Variants in FAM151B observed in about 807,000 individuals in gnomAD.
The protein encoded by FAM151B is protein FAM151B.
Under a neutral mutation model 31.2 loss-of-function variants are expected in FAM151B, and 24 were observed. The observed-to-expected ratio is 0.77, with a 90% CI of 0.56 to 1.08. The LOEUF is 1.08. FAM151B is among the 50% of genes least tolerant of loss of function. The pLI, the probability that FAM151B is intolerant of heterozygous loss-of-function variation, is 0.00. For missense variants in FAM151B, 293 were observed against 328.6 expected (o/e 0.89, Z 0.84); for synonymous variants, 105 against 111.4 (o/e 0.94, Z 0.36).
chr5:80,498,634 A>C (rs966917287), intron 1 of FAM151B: 51 of 752,116 alleles, frequency 6.8e-5, no homozygotes, highest in Middle Eastern at 7.9e-4. Flanking sequence ...TCTGAATGGC[A>C]CTCTCGACAA....
intron 5 of FAM151B, among the ~76,000 whole-genome samples, chr5:80,540,631 T>A (rs1287551374): frequency 6.6e-6 from 1 of 152,192 alleles, no homozygotes; most frequent in Non-Finnish European, 1.5e-5. Context: ...AACCATGTCT[T>A]TTTATAAGGT....
intron 1 of FAM151B, among the ~76,000 whole-genome samples, chr5:80,495,771 G>A (rs574300722): frequency 9.2e-5 from 13 of 141,634 alleles, no homozygotes; most frequent in Non-Finnish European, 1.7e-4. Flanking sequence ...CAGAGCTTGC[G>A]GTAAGCCGAG....
rs183334593 is a variant in FAM151B at position 80,532,539 on chromosome 5, A to G, written c.672-9134A>G. On this transcript the variant is annotated intron_variant, in intron 5 of 5. Coordinates refer to ENST00000282226, the MANE Select transcript of FAM151B (RefSeq NM_205548.3). ...ATTAGAGCTAAGCTGTTAGATTCCAATACAATAATAGCTGGAGACTTCAAC... is the reference window on the plus strand; with the variant it reads ...ATTAGAGCTAAGCTGTTAGATTCCAGTACAATAATAGCTGGAGACTTCAAC... 3.5e-3 allele frequency among the ~76,000 whole-genome samples: 537 copies of G among 152,340 alleles called. 3 individuals are homozygous for G. Among genetic ancestry groups the G allele is most frequent in the African/African-American group, 0.012 (514 of 41,572 alleles).
rs1470993066 is a variant in FAM151B, at chr5:80,501,739, A to T, written c.26-53A>T. On this transcript the variant is annotated intron_variant, in intron 1 of 5. Coordinates refer to ENST00000282226, the MANE Select transcript of FAM151B (RefSeq NM_205548.3). ...ATACACAATGAAAGTGATTTTAAAA[A>T]TTTTACCCTATAAAAAACAATATCA... 3 of 1,427,834 alleles carry T rather than the reference A, an allele frequency of 2.1e-6. No individual in the cohort carries two copies. The African/African-American group carries it at 4.3e-5, about 20-fold the overall frequency. The allele number at this position is 1,427,834 out of a possible 1,614,324, so 88.4% of individuals were successfully genotyped here. A position where few individuals can be genotyped will look rare whatever the true frequency, so the allele number is the denominator to read the frequency against.
intron 3 of FAM151B, among the ~76,000 whole-genome samples, chr5:80,518,094 AG>A (rs1321260133): frequency 1.5e-4 from 22 of 150,032 alleles, no homozygotes; most frequent in Non-Finnish European, 3.1e-4. Context: ...AAAAAAAAAA[AG>A]AAACTGGATA....
chr5:80,523,726 G>A lies in FAM151B; in HGVS notation c.671+1588G>A, dbSNP rs186429697. Among the ~76,000 whole-genome samples, 11 of 152,232 alleles carry A rather than the reference G, an allele frequency of 7.2e-5. No homozygotes were observed. The South Asian group carries it at 1.0e-3, about 14-fold the overall frequency. On this transcript the variant is annotated intron_variant, in intron 5 of 5. Transcript: ENST00000282226. ...GAATAAATTAAGATGCAGAATGATA[G>A]GTATAGTATGATTCCATTTGCATGT...
At chr5:80,515,267 T>TA (rs35615123) in intron 3 of FAM151B, among the ~76,000 whole-genome samples, 62,521 of 151,484 alleles carry the variant, frequency 0.41, 13,673 homozygotes, top group African/African-American at 0.57. Context: ...AAATAAATAA[T>TA]AAAAAATCAT....
chr5:80,520,607 T>C (rs1233158385), intron 4 of FAM151B, among the ~76,000 whole-genome samples: 1 of 147,796 alleles, frequency 6.8e-6, no homozygotes, highest in Non-Finnish European at 1.5e-5. Context: ...ATCGTGCCAC[T>C]GTACTCCAGC....
intron 1 of FAM151B, among the ~76,000 whole-genome samples, chr5:80,494,472 C>CTTTCTTTA (rs1561359235): frequency 1.1e-5 from 1 of 87,594 alleles, no homozygotes; most frequent in African/African-American, 3.9e-5. Context: ...TTCTTTCTTT[C>CTTTCTTTA]TTTCTTTCTT....
chr5:80,498,668 T>G (rs548634012), intron 1 of FAM151B: 1 of 658,536 alleles, frequency 1.5e-6, no homozygotes, highest in East Asian at 3.1e-5. Context: ...TGCCATTCTC[T>G]TCCACCTTAT....
rs1323859204 is a variant in FAM151B at position 80,494,461 on chromosome 5, TTTCTTTC to T, written c.25+6316_25+6322del. On this transcript the variant is annotated intron_variant, in intron 1 of 5. Coordinates refer to ENST00000282226, the MANE Select transcript of FAM151B (RefSeq NM_205548.3). ...TCTTTCTTTTTCTTTCTTTCTTTTC[TTTCTTTC>T]TTTCTTTCTTTCTTTCTTTCTTTCT... Among the ~76,000 whole-genome samples, 110 of 43,544 alleles carry T rather than the reference TTTCTTTC, an allele frequency of 2.5e-3. 2 individuals carry two copies. In the Middle Eastern group the frequency reaches 0.031, roughly 12 times the overall value. 28.6% of individuals were successfully genotyped at this position (43,544 alleles called of 152,430 possible).
intron 5 of FAM151B, among the ~76,000 whole-genome samples, chr5:80,538,466 C>G (rs1308323164): frequency 4.9e-5 from 6 of 121,398 alleles, no homozygotes; most frequent in African/African-American, 2.0e-4. Flanking sequence ...TTCTTTCTTT[C>G]TTTCTTTCTT....
intron 1 of FAM151B, among the ~76,000 whole-genome samples, chr5:80,489,620 A>G (rs1743237995): frequency 6.6e-6 from 1 of 152,208 alleles, no homozygotes; most frequent in Non-Finnish European, 1.5e-5. Flanking sequence ...GACAAATGCC[A>G]TTTTTTAAAA....
chr5:80,539,791 CTT>C (rs1175385469), intron 5 of FAM151B, among the ~76,000 whole-genome samples: 6 of 140,530 alleles, frequency 4.3e-5, no homozygotes, highest in Non-Finnish European at 9.3e-5. Context: ...CGTGCCCTGC[CTT>C]TTTTTTTTTT....
chr5:80,536,399 C>T (rs1271057556), intron 5 of FAM151B, among the ~76,000 whole-genome samples: 1 of 152,030 alleles, frequency 6.6e-6, no homozygotes, highest in Non-Finnish European at 1.5e-5. Flanking sequence ...TGGTCTCAAA[C>T]TCCTGACCTC....
Position 80,538,456 on chromosome 5 carries a change from T to TTCTTTC in FAM151B, c.672-3215_672-3210dup, listed in dbSNP as rs1745670222. Among the ~76,000 whole-genome samples the TTCTTTC allele has an allele frequency of 3.2e-4, 19 of 59,676 alleles. 1 individual carries two copies. The highest frequency in any genetic ancestry group is 1.0e-3 in the East Asian group (2 of 1,908). 39.1% of individuals were successfully genotyped at this position (59,676 alleles called of 152,430 possible). A position where few individuals can be genotyped will look rare whatever the true frequency, so the allele number is the denominator to read the frequency against. On this transcript the variant is annotated intron_variant, in intron 5 of 5. Coordinates refer to ENST00000282226, the MANE Select transcript of FAM151B (RefSeq NM_205548.3). ...TCTTTCTTTCTTTCTTTCTCTTTCT[T>TTCTTTC]TCTTTCTTTCTTTCTTTCTTTCTTT...
chr5:80,536,239 C>T (rs1317495485), intron 5 of FAM151B, among the ~76,000 whole-genome samples: 1 of 152,058 alleles, frequency 6.6e-6, no homozygotes, highest in African/African-American at 2.4e-5. Context: ...GGCGTGATCT[C>T]GGCTCACTGC....
In FAM151B at chr5:80,501,187, T is replaced by A. The variant is rs1423528569; in HGVS notation, c.26-605T>A. On this transcript the variant is annotated intron_variant, in intron 1 of 5. Transcript: ENST00000282226. ...TGCCACCACACCTGGCTAATTTTTT[T>A]TTTTTTATTTTTGTTAGAGACAGGG... 1.6e-5 allele frequency: 5 copies of A among 316,568 alleles called. No individual in the cohort carries two copies. In the East Asian group the frequency reaches 2.3e-4, roughly 15 times the overall value. 19.6% of individuals were successfully genotyped at this position (316,568 alleles called of 1,614,324 possible). A position where few individuals can be genotyped will look rare whatever the true frequency, so the allele number is the denominator to read the frequency against.
chr5:80,502,941 G>A (rs1466543879), intron 2 of FAM151B, among the ~76,000 whole-genome samples: 1 of 152,168 alleles, frequency 6.6e-6, no homozygotes, highest in South Asian at 2.1e-4. Flanking sequence ...CAAAATTGAT[G>A]CCTCAGGAAA....
Sources: gnomAD v4.1 joint callset for allele counts (sites outside exome capture counted in the v4.1 genomes callset) on GRCh38, gnomAD v4.1.1 for gene constraint, MANE v1.5 for transcripts, NCBI Gene and HGNC (gene_info 2026-07-23, HGNC 2026-07-21) for gene names.